Variants in PTPRK observed in about 807,000 individuals in gnomAD.
The protein encoded by PTPRK is receptor-type tyrosine-protein phosphatase kappa.
PTPRK carries 75 observed loss-of-function variants against 178.0 expected under a neutral mutation model. The observed-to-expected ratio is 0.42, with a 90% confidence interval of 0.35 to 0.51. PTPRK has a LOEUF of 0.51. Among genes scored for constraint, PTPRK ranks in the 20% least tolerant of loss-of-function variants. PTPRK has a pLI of 0.02. For missense variants in PTPRK, 1,441 were observed against 1,797.8 expected (o/e 0.80, Z 3.59); for synonymous variants, 637 against 620.6 (o/e 1.03, Z -0.39).
intron 2 of PTPRK, among the ~76,000 whole-genome samples, chr6:128,332,851 C>T (rs887930195): frequency 1.3e-5 from 2 of 152,098 alleles, no homozygotes; most frequent in Non-Finnish European, 2.9e-5. Context: ...GTTGCCTCAA[C>T]GCCCACTCCA....
At chr6:128,505,909 A>G (rs34931647) in intron 1 of PTPRK, among the ~76,000 whole-genome samples, 13,184 of 152,236 alleles carry the variant, frequency 0.087, 916 homozygotes, top group African/African-American at 0.19. Context: ...TTACCCAGAG[A>G]ACAGCAGCTT....
intron 3 of PTPRK, among the ~76,000 whole-genome samples, chr6:128,266,775 C>A (rs371948806): frequency 6.6e-6 from 1 of 152,068 alleles, no homozygotes; most frequent in Non-Finnish European, 1.5e-5. Context: ...GCTTTCAACT[C>A]GGAAGTTTTT....
At chr6:128,004,432 C>T (rs6569519) in intron 15 of PTPRK, among the ~76,000 whole-genome samples, 135,115 of 151,800 alleles carry the variant, frequency 0.89, 60,333 homozygotes, top group East Asian at 1. Flanking sequence ...GGTACTTCAG[C>T]GGAAATATTT....
At chr6:128,079,129 T>A (rs898571460) in intron 10 of PTPRK, among the ~76,000 whole-genome samples, 18 of 152,080 alleles carry the variant, frequency 1.2e-4, no homozygotes, top group African/African-American at 3.6e-4. Flanking sequence ...GCTGTGGAAA[T>A]TTAAATAATC....
chr6:128,337,342 A>G (rs1339141002), intron 2 of PTPRK, among the ~76,000 whole-genome samples: 1 of 152,176 alleles, frequency 6.6e-6, no homozygotes, highest in Non-Finnish European at 1.5e-5. Flanking sequence ...CTGGCATATA[A>G]ATAATTAAAA....
chr6:128,162,984 T>C (rs928455307), intron 7 of PTPRK, among the ~76,000 whole-genome samples: 2 of 151,558 alleles, frequency 1.3e-5, no homozygotes, highest in African/African-American at 4.8e-5. Flanking sequence ...TTAATGTTAA[T>C]GTTTAATATT....
intron 13 of PTPRK, among the ~76,000 whole-genome samples, chr6:128,026,048 T>C (rs1774231609): frequency 6.6e-6 from 1 of 152,184 alleles, no homozygotes; most frequent in African/African-American, 2.4e-5. Context: ...TTAAACAGAA[T>C]TTTTCAAGGT....
chr6:128,267,947 T>C (rs1819212840), intron 3 of PTPRK, among the ~76,000 whole-genome samples: 1 of 152,040 alleles, frequency 6.6e-6, no homozygotes, highest in Admixed American at 6.6e-5. Context: ...TAAGAGACCA[T>C]TCTTATTTTC....
At chr6:128,205,056 T>C (rs1428663755) in intron 6 of PTPRK, among the ~76,000 whole-genome samples, 1 of 152,218 alleles carries the variant, frequency 6.6e-6, no homozygotes, top group East Asian at 1.9e-4. Context: ...ATGTGGTACA[T>C]GTATACCATG....
intron 19 of PTPRK, among the ~76,000 whole-genome samples, 190 bp from the exon 20 acceptor site, chr6:127,991,581 G>GTT (rs55842054): frequency 3.3e-4 from 45 of 135,488 alleles, no homozygotes; most frequent in Middle Eastern, 4.1e-3. Context: ...GCATATACAA[G>GTT]TTTTTTTTTT....
chr6:128,389,853 C>T (rs557569441), intron 2 of PTPRK, among the ~76,000 whole-genome samples: 4 of 151,982 alleles, frequency 2.6e-5, no homozygotes, highest in Non-Finnish European at 4.4e-5. Flanking sequence ...CTCAGCATGC[C>T]ATTTCTGTCC....
At chr6:128,468,851 A>C (rs1006152958) in intron 1 of PTPRK, among the ~76,000 whole-genome samples, 5 of 151,844 alleles carry the variant, frequency 3.3e-5, no homozygotes, top group Admixed American at 3.3e-4. Flanking sequence ...ATAATTTCCT[A>C]AAATCTCTGT....
intron 13 of PTPRK, among the ~76,000 whole-genome samples, chr6:128,033,717 A>C (rs1775735686): frequency 6.6e-6 from 1 of 152,156 alleles, no homozygotes; most frequent in African/African-American, 2.4e-5. Flanking sequence ...ACAAAAAATA[A>C]AATTGTTTAA....
Position 128,464,657 on chromosome 6 carries a change from A to ATATATATATG in PTPRK, c.100+55601_100+55602insCATATATATA, listed in dbSNP as rs1849601655. On this transcript the variant is annotated intron_variant, in intron 1 of 29. Coordinates refer to ENST00000368226, the MANE Select transcript of PTPRK (RefSeq NM_002844.4). ...TATACACATATATATATATATATATATATATATATATATATATACAACAGA... is the reference window on the plus strand; with the variant it reads ...TATACACATATATATATATATATATATATATATATGTATATATATATATATATACAACAGA... 2.6e-5 allele frequency among the ~76,000 whole-genome samples: 3 copies of ATATATATATG among 116,200 alleles called. No individual in the cohort carries two copies. The South Asian group carries it at 8.6e-4, about 33-fold the overall frequency. The allele number at this position is 116,200 out of a possible 152,430, so 76.2% of individuals were successfully genotyped here.
intron 13 of PTPRK, among the ~76,000 whole-genome samples, chr6:128,061,843 A>G (rs1780887832): frequency 6.6e-6 from 1 of 152,156 alleles, no homozygotes; most frequent in Admixed American, 6.6e-5. Context: ...TTAATGTATA[A>G]TTCATTTTTT....
chr6:128,359,947 G>A (rs1834505557), intron 2 of PTPRK, among the ~76,000 whole-genome samples: 1 of 152,062 alleles, frequency 6.6e-6, no homozygotes, highest in Non-Finnish European at 1.5e-5. Flanking sequence ...TTTTTCACAA[G>A]CATTTTCCAC....
At chr6:128,129,542 C>A (rs1215917400) in intron 7 of PTPRK, among the ~76,000 whole-genome samples, 1 of 152,002 alleles carries the variant, frequency 6.6e-6, no homozygotes, top group South Asian at 2.1e-4. Flanking sequence ...TCAACAACAA[C>A]AACAGAATAC....
At chr6:128,165,339 T>C (rs1799247427) in intron 7 of PTPRK, among the ~76,000 whole-genome samples, 2 of 151,448 alleles carry the variant, frequency 1.3e-5, no homozygotes, top group Admixed American at 1.3e-4. Context: ...TTCCCCTTTT[T>C]CCTCTTTACA....
At chr6:128,273,098 G>C (rs11961650) in intron 3 of PTPRK, among the ~76,000 whole-genome samples, 2 of 151,798 alleles carry the variant, frequency 1.3e-5, no homozygotes, top group Admixed American at 6.6e-5. Context: ...TCTGACTATC[G>C]CAAGGATAGA....
Sources: gnomAD v4.1 joint callset for allele counts (sites outside exome capture counted in the v4.1 genomes callset) on GRCh38, gnomAD v4.1.1 for gene constraint, MANE v1.5 for transcripts, NCBI Gene and HGNC (gene_info 2026-07-23, HGNC 2026-07-21) for gene names.